The following INPP4B variants were observed in gnomAD, a reference collection of about 807,000 sequenced individuals.
The protein encoded by INPP4B is inositol polyphosphate 4-phosphatase type II.
In INPP4B, 55 loss-of-function variants were observed where a neutral mutation model predicts 122.5. That is an observed-to-expected ratio of 0.45 (90% CI 0.36 to 0.56). The LOEUF is 0.56. Among genes scored for constraint, INPP4B ranks in the 20% least tolerant of loss-of-function variants. INPP4B has a pLI of 0.00. For synonymous variants in INPP4B, 403 were observed against 388.7 expected (o/e 1.04, Z -0.43); for missense variants, 1,000 against 1,097.7 (o/e 0.91, Z 1.26).
chr4:142,798,122 G>C (rs1475010330), intron 1 of INPP4B, among the ~76,000 whole-genome samples: 1 of 151,908 alleles, frequency 6.6e-6, no homozygotes, highest in Admixed American at 6.6e-5. Flanking sequence ...TGAAATTACT[G>C]ATATTACAAA....
chr4:142,834,629 A>C (rs573555854), intron 1 of INPP4B, among the ~76,000 whole-genome samples: 22 of 152,296 alleles, frequency 1.4e-4, no homozygotes, highest in Middle Eastern at 3.4e-3. Flanking sequence ...TTGTAGACCA[A>C]TGTGTTGGAA....
At chr4:142,448,329 C>CAAAAAAAA (rs71586289) in intron 3 of INPP4B, among the ~76,000 whole-genome samples, 3 of 61,992 alleles carry the variant, frequency 4.8e-5, no homozygotes, top group Non-Finnish European at 8.8e-5. Flanking sequence ...TATCCATCTC[C>CAAAAAAAA]AAAAAAAAAA....
intron 1 of INPP4B, among the ~76,000 whole-genome samples, chr4:142,733,340 T>C (rs1178537025): frequency 1.3e-5 from 2 of 152,102 alleles, no homozygotes; most frequent in Non-Finnish European, 2.9e-5. Flanking sequence ...TACCAAAAGA[T>C]GCCAAGTAGA....
chr4:142,423,748 T>C (rs937501220), intron 5 of INPP4B: 2 of 427,808 alleles, frequency 4.7e-6, no homozygotes, highest in Admixed American at 5.8e-5. Context: ...TTTACAATCA[T>C]CCGCTTCCAT....
chr4:142,109,344 A>C (rs1788832773), intron 22 of INPP4B, among the ~76,000 whole-genome samples: 2 of 152,184 alleles, frequency 1.3e-5, no homozygotes, highest in African/African-American at 4.8e-5. Flanking sequence ...CATCAACTAC[A>C]TACCATACAT....
At chr4:142,796,088 A>G (rs991863281) in intron 1 of INPP4B, among the ~76,000 whole-genome samples, 8 of 151,968 alleles carry the variant, frequency 5.3e-5, no homozygotes, top group Non-Finnish European at 1.2e-4. Flanking sequence ...TTCATTTATG[A>G]TATAATAAAT....
At chr4:142,219,648 T>C (rs1255145085) in intron 12 of INPP4B, among the ~76,000 whole-genome samples, 1 of 152,210 alleles carries the variant, frequency 6.6e-6, no homozygotes, top group East Asian at 1.9e-4. Context: ...GACAGAGTGC[T>C]AGCATTCTCA....
intron 2 of INPP4B, among the ~76,000 whole-genome samples, chr4:142,522,046 T>C (rs767845282): frequency 6.6e-6 from 1 of 152,130 alleles, no homozygotes; most frequent in Non-Finnish European, 1.5e-5. Context: ...GGCTGTGTGC[T>C]TTGGGCAAGT....
intron 7 of INPP4B, among the ~76,000 whole-genome samples, chr4:142,332,083 C>T (rs1198048240): frequency 6.6e-6 from 1 of 152,060 alleles, no homozygotes; most frequent in East Asian, 1.9e-4. Flanking sequence ...GTGTATTTTC[C>T]ATACAGACAA....
chr4:142,334,305 T>G (rs1775763506), intron 7 of INPP4B, among the ~76,000 whole-genome samples: 1 of 152,220 alleles, frequency 6.6e-6, no homozygotes, highest in Admixed American at 6.5e-5. Context: ...TGTGTACATA[T>G]GTGTATATAG....
Position 142,398,856 on chromosome 4 carries a change from C to T in INPP4B, c.372+4082G>A, listed in dbSNP as rs191516672. Among the ~76,000 whole-genome samples the T allele has an allele frequency of 4.7e-3, 718 of 152,106 alleles. 2 individuals carry two copies. Among genetic ancestry groups the T allele is most frequent in the Middle Eastern group, 0.024 (7 of 294 alleles). On this transcript the variant is annotated intron_variant, in intron 7 of 25. Coordinates refer to ENST00000262992, the MANE Select transcript of INPP4B (RefSeq NM_001101669.3). ...TAGGACTACATCCTTCCCTGAGAAACGCTCGGTGTCTACTGGATACCAGTT... is the reference window on the plus strand; with the variant it reads ...TAGGACTACATCCTTCCCTGAGAAATGCTCGGTGTCTACTGGATACCAGTT...
intron 2 of INPP4B, among the ~76,000 whole-genome samples, chr4:142,523,684 T>A (rs1270654730): frequency 6.6e-6 from 1 of 151,914 alleles, no homozygotes; most frequent in Admixed American, 6.6e-5. Flanking sequence ...TACTTTAAGT[T>A]TTAGGGTACA....
At chr4:142,592,131 T>C (rs1737630653) in intron 2 of INPP4B, among the ~76,000 whole-genome samples, 3 of 152,184 alleles carry the variant, frequency 2.0e-5, no homozygotes, top group African/African-American at 7.2e-5. Context: ...GTCCAACTTT[T>C]CTGAAAATCT....
At chr4:142,100,293 C>A (rs1783927398) in intron 23 of INPP4B, among the ~76,000 whole-genome samples, 1 of 152,136 alleles carries the variant, frequency 6.6e-6, no homozygotes, top group South Asian at 2.1e-4. Flanking sequence ...TTCTTAAGGG[C>A]CCCTGGAAGT....
chr4:142,695,472 T>C (rs777397890), intron 2 of INPP4B, among the ~76,000 whole-genome samples: 1 of 152,202 alleles, frequency 6.6e-6, no homozygotes, highest in Non-Finnish European at 1.5e-5. Flanking sequence ...AACATCTAAA[T>C]GTCTTAGTTC....
intron 25 of INPP4B, among the ~76,000 whole-genome samples, chr4:142,077,410 A>G (rs1004245093): frequency 6.6e-6 from 1 of 151,952 alleles, no homozygotes; most frequent in South Asian, 2.1e-4. Context: ...TAATAGTACA[A>G]TGGTATTTTT....
chr4:142,247,153 C>T (rs571359718), intron 11 of INPP4B, among the ~76,000 whole-genome samples: 5 of 152,228 alleles, frequency 3.3e-5, no homozygotes, highest in South Asian at 2.1e-4. Flanking sequence ...CTGACTTGAC[C>T]GTGGTGGATA....
intron 11 of INPP4B, among the ~76,000 whole-genome samples, chr4:142,259,785 C>A (rs1330620924): frequency 6.6e-6 from 1 of 150,550 alleles, no homozygotes. Context: ...TTTAAATTTT[C>A]TTTTTTTTTA....
In INPP4B at chr4:142,768,417, C is replaced by G. The variant is rs183053326; in HGVS notation, c.-253-42516G>C. Among the ~76,000 whole-genome samples the G allele has an allele frequency of 2.4e-3, 368 of 152,300 alleles. 1 individual carries two copies. Among genetic ancestry groups the G allele is most frequent in the African/African-American group, 8.4e-3 (350 of 41,586 alleles). ...TACACAAAGTAGATAGCAACACACT[C>G]TGCCCAGAGGTCATAGCAGTCAGAA... On this transcript the variant is annotated intron_variant, in intron 1 of 25. Coordinates refer to ENST00000262992, the MANE Select transcript of INPP4B (RefSeq NM_001101669.3).
Sources: allele counts gnomAD v4.1 joint callset (sites outside exome capture counted in the v4.1 genomes callset), GRCh38; gene constraint gnomAD v4.1.1; transcripts MANE v1.5; gene names NCBI Gene and HGNC (gene_info 2026-07-23, HGNC 2026-07-21).